Variants in PDGFRA observed in about 807,000 individuals in gnomAD.
The protein encoded by PDGFRA is platelet derived growth factor receptor alpha.
Under a neutral mutation model 121.5 loss-of-function variants are expected in PDGFRA, and 25 were observed. That is an observed-to-expected ratio of 0.21 (90% confidence interval 0.15 to 0.29). The LOEUF (loss-of-function observed/expected upper bound fraction) is 0.29, where lower values mean the gene tolerates loss of function less well. Among genes scored for constraint, PDGFRA ranks in the 10% least tolerant of loss-of-function variants. The probability of loss-of-function intolerance (pLI) is 1.00; values close to 1 mark genes in which losing one functional copy is unlikely to be tolerated. For synonymous variants in PDGFRA, 463 were observed against 494.8 expected (o/e 0.94, Z 0.85); for missense variants, 1,008 against 1,345.1 (o/e 0.75, Z 3.92).
chr4:54,281,586 G>A (rs1189852850), intron 16 of PDGFRA: 3 of 1,350,222 alleles, frequency 2.2e-6, no homozygotes, highest in Non-Finnish European at 2.9e-6. Context: ...CCCAGGCTGG[G>A]CTGGTGGAGT....
In PDGFRA at chr4:54,278,384, G is replaced by A. The variant is rs778551529; in HGVS notation, c.2025G>A (p.Glu675=). 1 of 1,613,684 alleles carries A rather than the reference G, an allele frequency of 6.2e-7. No individual in the cohort carries two copies. Among genetic ancestry groups the A allele is most frequent in the Non-Finnish European group, 8.5e-7 (1 of 1,179,772 alleles). ...TAGGCCCCATTTACATCATCACAGAGTATTGCTTCTATGGAGATTTGGTCA... is the reference window on the plus strand; with the variant it reads ...TAGGCCCCATTTACATCATCACAGAATATTGCTTCTATGGAGATTTGGTCA... ...TKSGPIYIIT[E]YCFYGDLVNY... The change falls in exon 15 of 23, where the codon GAG becomes GAA. Residue 675 remains glutamate, a synonymous_variant. Coordinates refer to ENST00000257290, the MANE Select transcript of PDGFRA (RefSeq NM_006206.6).
Position 54,272,463 on chromosome 4 carries a change from C to T in PDGFRA, c.1307C>T (p.Thr436Ile), listed in dbSNP as rs139920579. ...GSTGGQTVRC[T>I]AEGTPLPDIE... ...ACTGGGGGACAGACGGTGAGGTGCA[C>T]AGCTGAAGGCACGCCGCTTCCTGAT... Residue 436 changes from threonine (T) to isoleucine (I), a missense_variant, in exon 9 of 23, where the codon ACA becomes ATA. Thr to Ile is a moderately conservative substitution (Grantham distance 89). Coordinates refer to ENST00000257290, the MANE Select transcript of PDGFRA (RefSeq NM_006206.6). 3.1e-6 allele frequency: 5 copies of T among 1,613,976 alleles called. No individual in the cohort carries two copies. Among genetic ancestry groups the T allele is most frequent in the East Asian group, 2.2e-5 (1 of 44,838 alleles).
Position 54,297,581 on chromosome 4 carries a change from C to T in PDGFRA, c.*2309C>T, listed in dbSNP as rs537269972. 58 of 233,584 alleles carry T rather than the reference C, an allele frequency of 2.5e-4. No individual in the cohort carries two copies. The highest frequency in any genetic ancestry group is 3.9e-4 in the Non-Finnish European group (46 of 118,054). The allele number at this position is 233,584 out of a possible 1,614,324, so 14.5% of individuals were successfully genotyped here. ...TGAGCCTTGCATGACATCATGAGGC[C>T]GGATGAAACTTCTCAGTCCAGCAGT... On this transcript the variant is annotated 3_prime_UTR_variant, in exon 23 of 23. Transcript: ENST00000257290.
At chr4:54,272,344 T>C (rs368663967) in intron 8 of PDGFRA, 50 bp from the exon 9 acceptor site, 45 of 1,607,068 alleles carry the variant, frequency 2.8e-5, no homozygotes, top group Admixed American at 1.0e-4. Context: ...TAGTCTCATA[T>C]GTTCTGGGAC....
intron 13 of PDGFRA, 72 bp downstream of exon 13, chr4:54,277,564 C>A: frequency 1.0e-6 from 1 of 970,254 alleles, no homozygotes; most frequent in South Asian, 1.3e-5. Context: ...GGGAATTTCT[C>A]AAAATCATGC....
At chr4:54,292,449 A>G (rs956475498) in intron 22 of PDGFRA, among the ~76,000 whole-genome samples, 14 of 152,202 alleles carry the variant, frequency 9.2e-5, no homozygotes, top group African/African-American at 3.4e-4. Flanking sequence ...GTTCTCACTT[A>G]TAAGTGGGAG....
At position 54,296,544 on chromosome 4, in the gene PDGFRA, G is replaced by A; in HGVS notation, c.*1272G>A. The A allele has an allele frequency of 8.6e-6, 2 of 232,736 alleles. No homozygotes were observed. The highest frequency in any genetic ancestry group is 1.7e-5 in the Non-Finnish European group (2 of 117,762). 14.4% of individuals were successfully genotyped at this position (232,736 alleles called of 1,614,324 possible). A position where few individuals can be genotyped will look rare whatever the true frequency, so the allele number is the denominator to read the frequency against. On this transcript the variant is annotated 3_prime_UTR_variant, in exon 23 of 23. Coordinates refer to ENST00000257290, the MANE Select transcript of PDGFRA (RefSeq NM_006206.6). ...CTCGAGACCATAAAGATATTCTTTA[G>A]TGGAGGCTGGATGTGCATTAGCCTG...
intron 1 of PDGFRA, among the ~76,000 whole-genome samples, chr4:54,231,613 C>A (rs1397177002): frequency 6.6e-6 from 1 of 152,256 alleles, no homozygotes; most frequent in Non-Finnish European, 1.5e-5. Context: ...CTTTCCACAA[C>A]CCTCAAGATG....
At position 54,278,236 on chromosome 4, in the gene PDGFRA, A is replaced by C. The variant is rs1438766408; in HGVS notation, c.2003-126A>C. The C allele has an allele frequency of 2.8e-5, 15 of 542,566 alleles. 2 individuals are homozygous for C. The highest frequency in any genetic ancestry group is 1.5e-4 in the East Asian group (4 of 27,564). The allele number at this position is 542,566 out of a possible 1,614,324, so 33.6% of individuals were successfully genotyped here. A position where few individuals can be genotyped will look rare whatever the true frequency, so the allele number is the denominator to read the frequency against. On this transcript the variant is annotated intron_variant, in intron 14 of 22. Transcript: ENST00000257290. ...ATGGCTCTTTATTAAAAAAAAAAAAAAAAAAAAAAAAAAAAAACTTTTTTG... is the reference window on the plus strand; with the variant it reads ...ATGGCTCTTTATTAAAAAAAAAAAACAAAAAAAAAAAAAAAAACTTTTTTG...
chr4:54,274,712 A>G (rs2110297920), intron 11 of PDGFRA, 87 bp downstream of exon 11: 1 of 1,425,622 alleles, frequency 7.0e-7, no homozygotes, highest in Non-Finnish European at 9.9e-7. Flanking sequence ...ACAGAGAAGG[A>G]GCTCAGCAAT....
rs2110299022 is a variant in PDGFRA at position 54,274,830 on chromosome 4, G to T, written c.1654-11G>T. The T allele has an allele frequency of 6.2e-7, 1 of 1,614,032 alleles. No homozygotes were observed. Among genetic ancestry groups the T allele is most frequent in the Non-Finnish European group, 8.5e-7 (1 of 1,179,954 alleles). ...GGTAATTCACCAGTTACCTGTCCTG[G>T]TCATTTATAGAAACCGAGGTATGAA... On this transcript the variant is annotated splice_polypyrimidine_tract_variant and intron_variant, in intron 11 of 22. Transcript: ENST00000257290.
chr4:54,233,144 C>A (rs1035225027), intron 1 of PDGFRA, among the ~76,000 whole-genome samples: 8 of 151,480 alleles, frequency 5.3e-5, no homozygotes, highest in African/African-American at 1.9e-4. Context: ...TGGGGCGCAG[C>A]GGCCTCTGCA....
chr4:54,256,851 A>G (rs1194535854), intron 1 of PDGFRA, among the ~76,000 whole-genome samples: 1 of 151,990 alleles, frequency 6.6e-6, no homozygotes, highest in Non-Finnish European at 1.5e-5. Context: ...CATCTCTACA[A>G]ATAATTTTTT....
chr4:54,265,566 G>A (rs1031455625), intron 5 of PDGFRA, among the ~76,000 whole-genome samples: 26 of 152,110 alleles, frequency 1.7e-4, no homozygotes, highest in Admixed American at 1.5e-3. Flanking sequence ...TCAGTGAACC[G>A]TTATGATGTA....
chr4:54,261,929 A>ATT (rs1414200279), intron 3 of PDGFRA, among the ~76,000 whole-genome samples: 1,916 of 60,374 alleles, frequency 0.032, 25 homozygotes, highest in South Asian at 0.1. Context: ...ATATATATAT[A>ATT]TATTTTTTTT....
chr4:54,277,861 C>G (rs374996327), intron 13 of PDGFRA, 35 bp from the exon 14 acceptor site: 1 of 1,381,598 alleles, frequency 7.2e-7, no homozygotes, highest in African/African-American at 1.4e-5. Context: ...GTTGGTAGCT[C>G]AGCTGGACTG....
rs759019262 is a variant in PDGFRA, at chr4:54,258,784, C to A, written c.16C>A (p.Pro6Thr). ...TCCCAGAGCTATGGGGACTTCCCAT[C>A]CGGCGTTCCTGGTCTTAGGCTGTCT... is the stretch of plus-strand genomic sequence containing the variant. MGTSH[P>T]AFLVLGCLLT... The change falls in exon 2 of 23, where the codon CCG becomes ACG. Residue 6 changes from proline (P) to threonine (T), a missense_variant. Coordinates refer to ENST00000257290, the MANE Select transcript of PDGFRA (RefSeq NM_006206.6). The A allele has an allele frequency of 6.2e-7, 1 of 1,613,576 alleles. No individual in the cohort carries two copies. The highest frequency in any genetic ancestry group is 8.5e-7 in the Non-Finnish European group (1 of 1,179,462).
In PDGFRA at chr4:54,261,920, TATATATATATA is replaced by T. The variant is rs1368662694; in HGVS notation, c.367+509_367+519del. 6.7e-3 allele frequency among the ~76,000 whole-genome samples: 468 copies of T among 69,490 alleles called. 6 individuals are homozygous for T. Among genetic ancestry groups the T allele is most frequent in the African/African-American group, 0.023 (449 of 19,556 alleles). 45.6% of individuals were successfully genotyped at this position (69,490 alleles called of 152,430 possible). A position where few individuals can be genotyped will look rare whatever the true frequency, so the allele number is the denominator to read the frequency against. ...TTACATATATATATATATATATATA[TATATATATATA>T]TTTTTTTTTTTTTTGGTAACAGGGT... On this transcript the variant is annotated intron_variant, in intron 3 of 22. Transcript: ENST00000257290.
rs1724415831 is a variant in PDGFRA at position 54,287,473 on chromosome 4, A to T, written c.2606A>T (p.Asp869Val). 1 of 1,579,360 alleles carries T rather than the reference A, an allele frequency of 6.3e-7. No homozygotes were observed. Reference protein sequence around the residue: ...VKWMAPESIFDNLYTTLSDVW... With the variant: ...VKWMAPESIFVNLYTTLSDVW... ...TGGATGGCTCCTGAGAGCATCTTTG[A>T]CAACCTCTACACCACACTGAGTGAT... is the stretch of plus-strand genomic sequence containing the variant. Residue 869 changes from aspartate (D) to valine (V), a missense_variant, in exon 19 of 23, where the codon GAC becomes GTC. Coordinates refer to ENST00000257290, the MANE Select transcript of PDGFRA (RefSeq NM_006206.6).
Sources: allele counts gnomAD v4.1 joint callset (sites outside exome capture counted in the v4.1 genomes callset), GRCh38; gene constraint gnomAD v4.1.1; transcripts MANE v1.5; gene names NCBI Gene and HGNC (gene_info 2026-07-23, HGNC 2026-07-21).